AIPL1: variants seen among roughly 807,000 people sequenced by gnomAD.
AIPL1 encodes aryl-hydrocarbon-interacting protein-like 1.
Under a neutral mutation model 32.9 loss-of-function variants are expected in AIPL1, and 23 were observed. The observed-to-expected ratio is 0.70, with a 90% confidence interval of 0.50 to 0.99. The LOEUF (loss-of-function observed/expected upper bound fraction) is 0.99, where lower values mean the gene tolerates loss of function less well. AIPL1 is among the 50% of genes least tolerant of loss of function. The pLI, the probability that AIPL1 is intolerant of heterozygous loss-of-function variation, is 0.00. For missense variants in AIPL1, 485 were observed against 506.0 expected (o/e 0.96, Z 0.40); for synonymous variants, 210 against 209.4 (o/e 1.00, Z -0.02).
chr17:6,434,926 C>T (rs1290517182), intron 1 of AIPL1, 83 bp downstream of exon 1: 1 of 1,601,088 alleles, frequency 6.2e-7, no homozygotes, highest in East Asian at 2.3e-5. Context: ...CAGCTGAAAG[C>T]TGTTTACAGT....
intron 2 of AIPL1, 108 bp downstream of exon 2, chr17:6,433,811 A>T: frequency 7.2e-7 from 1 of 1,398,490 alleles, no homozygotes; most frequent in Non-Finnish European, 9.9e-7. Context: ...TGGCTTTGCA[A>T]AGCTTCGCTT....
At chr17:6,430,131 A>G (rs77932976) in intron 2 of AIPL1, among the ~76,000 whole-genome samples, 8,880 of 150,304 alleles carry the variant, frequency 0.059, 629 homozygotes, top group African/African-American at 0.16. Flanking sequence ...GGCTGGGGTG[A>G]GGAGATGTGC....
intron 2 of AIPL1, among the ~76,000 whole-genome samples, chr17:6,428,737 G>T (rs1292898724): frequency 6.6e-6 from 1 of 152,184 alleles, no homozygotes; most frequent in Non-Finnish European, 1.5e-5. Flanking sequence ...TACGGATGGG[G>T]AAACTACAGC....
intron 2 of AIPL1, among the ~76,000 whole-genome samples, chr17:6,430,836 G>A (rs923448640): frequency 5.3e-5 from 8 of 152,112 alleles, no homozygotes; most frequent in Non-Finnish European, 1.0e-4. Context: ...GGCTTGACTT[G>A]ATAAAAAATA....
rs185761217 is a variant in AIPL1, at chr17:6,432,331, C to T, written c.276+1588G>A. Among the ~76,000 whole-genome samples, 754 of 151,444 alleles carry T rather than the reference C, an allele frequency of 5.0e-3. 2 individuals carry two copies. The highest frequency in any genetic ancestry group is 8.6e-3 in the Admixed American group (130 of 15,198). ...CCAAGGTTGCAGTGAGCCAAGATCA[C>T]GCTACTGCACTCCAGCCTGGCTACA... is the stretch of plus-strand genomic sequence containing the variant. On this transcript the variant is annotated intron_variant, in intron 2 of 5. Transcript: ENST00000381129.
At chr17:6,432,082 A>T (rs2150688278) in intron 2 of AIPL1, among the ~76,000 whole-genome samples, 1 of 152,258 alleles carries the variant, frequency 6.6e-6, no homozygotes, top group African/African-American at 2.4e-5. Flanking sequence ...CATGTCAAGG[A>T]AGAAAAGAAG....
In AIPL1 at chr17:6,428,494, A is replaced by G; in HGVS notation, c.289T>C (p.Tyr97His). The change falls in exon 3 of 6, where the codon TAC becomes CAC. Residue 97 changes from tyrosine (Y) to histidine (H), a missense_variant. Tyr to His is a moderately conservative substitution (Grantham distance 83, BLOSUM62 2). Transcript: ENST00000381129. ...CTCAGGCTCCGGGATAGGATGGGGTAGACCCCCGTGTGCTGTGGGGATAAA... is the reference window on the plus strand; with the variant it reads ...CTCAGGCTCCGGGATAGGATGGGGTGGACCCCCGTGTGCTGTGGGGATAAA... Reference protein sequence around the residue: ...FWCDTIHTGVYPILSRSLRQM... With the variant: ...FWCDTIHTGVHPILSRSLRQM... 1 of 1,613,864 alleles carries G rather than the reference A, an allele frequency of 6.2e-7. No homozygotes were observed. The highest frequency in any genetic ancestry group is 2.2e-5 in the East Asian group (1 of 44,872).
At chr17:6,430,078 TG>T (rs1332388984) in intron 2 of AIPL1, among the ~76,000 whole-genome samples, 3 of 144,740 alleles carry the variant, frequency 2.1e-5, no homozygotes, top group Non-Finnish European at 3.0e-5. Flanking sequence ...TGTGTGTGTG[TG>T]TGTGTGTGCA....
Position 6,425,482 on chromosome 17 carries a change from G to A in AIPL1, c.1133C>T (p.Pro378Leu). 1 of 1,602,970 alleles carries A rather than the reference G, an allele frequency of 6.2e-7. No individual in the cohort carries two copies. Among genetic ancestry groups the A allele is most frequent in the Non-Finnish European group, 8.5e-7 (1 of 1,177,390 alleles). ...GGCTCAGTGCTGCAGCGAGTGCCCT[G>A]GGGACGGGGGTGGCTCTGTGGCTGG... ...AEPATEPPPS[P>L]GHSLQH The change falls in exon 6 of 6, where the codon CCA (proline) becomes CTA (leucine). Residue 378 changes from proline to leucine, a missense_variant. Coordinates refer to ENST00000381129, the MANE Select transcript of AIPL1 (RefSeq NM_014336.5).
chr17:6,429,867 G>T (rs148210740), intron 2 of AIPL1, among the ~76,000 whole-genome samples: 149 of 147,842 alleles, frequency 1.0e-3, no homozygotes, highest in Non-Finnish European at 1.5e-3. Flanking sequence ...TAGATAGATA[G>T]ATAATAGATA....
chr17:6,427,597 C>A (rs1361750580), intron 3 of AIPL1, among the ~76,000 whole-genome samples: 1 of 152,144 alleles, frequency 6.6e-6, no homozygotes, highest in Non-Finnish European at 1.5e-5. Context: ...AATCCACAAA[C>A]ACGCGCTGCC....
chr17:6,427,159 T>A, intron 3 of AIPL1, 102 bp from the exon 4 acceptor site: 1 of 1,318,928 alleles, frequency 7.6e-7, no homozygotes, highest in Non-Finnish European at 1.1e-6. Context: ...CCTGAAGTCA[T>A]GCTTGCTGGT....
At chr17:6,429,256 C>T (rs916964479) in intron 2 of AIPL1, among the ~76,000 whole-genome samples, 11 of 152,190 alleles carry the variant, frequency 7.2e-5, no homozygotes, top group African/African-American at 2.4e-4. Flanking sequence ...CCCAACTAGG[C>T]TCCCTGAGAA....
intron 1 of AIPL1, 76 bp downstream of exon 1, chr17:6,434,933 C>A (rs1190794347): frequency 2.5e-6 from 4 of 1,606,018 alleles, no homozygotes; most frequent in Non-Finnish European, 3.4e-6. Context: ...AAGCTGTTTA[C>A]AGTGCCTTGG....
At chr17:6,431,082 G>A (rs1912558527) in intron 2 of AIPL1, among the ~76,000 whole-genome samples, 1 of 152,156 alleles carries the variant, frequency 6.6e-6, no homozygotes, top group African/African-American at 2.4e-5. Context: ...TAACTTGTCT[G>A]AGCCATTGCA....
rs539583938 is a variant in AIPL1 at position 6,426,462 on chromosome 17, A to T, written c.784+153T>A. The T allele has an allele frequency of 8.2e-5, 122 of 1,494,032 alleles. 1 individual carries two copies. Among genetic ancestry groups the T allele is most frequent in the Non-Finnish European group, 5.1e-5 (57 of 1,123,544 alleles). The allele number at this position is 1,494,032 out of a possible 1,614,324, so 92.5% of individuals were successfully genotyped here. On this transcript the variant is annotated intron_variant, in intron 5 of 5. Transcript: ENST00000381129. ...AAGCACTGCCCATCCATCACCCACA[A>T]TTCAGTTACACACTCGGGGAAACCC...
chr17:6,425,442 C>T lies in AIPL1; in HGVS notation c.*18G>A. The T allele has an allele frequency of 6.4e-7, 1 of 1,572,980 alleles. No homozygotes were observed. On this transcript the variant is annotated 3_prime_UTR_variant, in exon 6 of 6. Coordinates refer to ENST00000381129, the MANE Select transcript of AIPL1 (RefSeq NM_014336.5). ...GGCCACTTGCTCCCTGCCTGGGTGGCTGTGGGCCTCAGGGGGCTCAGTGCT... is the reference window on the plus strand; with the variant it reads ...GGCCACTTGCTCCCTGCCTGGGTGGTTGTGGGCCTCAGGGGGCTCAGTGCT...
rs1308565161 is a variant in AIPL1 at position 6,428,409 on chromosome 17, TTGGCCAGCCCGCACGTG to T, written c.357_373del (p.His119GlnfsTer33). On this transcript the variant is annotated frameshift_variant, in exon 3 of 6. Coordinates refer to ENST00000381129, the MANE Select transcript of AIPL1 (RefSeq NM_014336.5). LOFTEE classifies it high-confidence loss of function. ...GCCCAGCGTGTGGTAGGCGAACATG[TTGGCCAGCCCGCACGTG>T]TGCACGTGCCACTCTGTGGGGTCCT... 1 of 1,613,506 alleles carries T rather than the reference TTGGCCAGCCCGCACGTG, an allele frequency of 6.2e-7. No individual in the cohort carries two copies.
intron 2 of AIPL1, among the ~76,000 whole-genome samples, chr17:6,432,709 C>A (rs974843222): frequency 2.9e-4 from 44 of 151,666 alleles, no homozygotes; most frequent in African/African-American, 1.0e-3. Flanking sequence ...TAGCTCACTG[C>A]AACCTCTGCC....
Sources: allele counts gnomAD v4.1 joint callset (sites outside exome capture counted in the v4.1 genomes callset), GRCh38; gene constraint gnomAD v4.1.1; transcripts MANE v1.5; gene names NCBI Gene and HGNC (gene_info 2026-07-23, HGNC 2026-07-21).